PDE1C: variants seen among roughly 807,000 people sequenced by gnomAD.
PDE1C encodes the protein phosphodiesterase 1C, also known as dual specificity calcium/calmodulin-dependent 3',5'-cyclic nucleotide phosphodiesterase 1C.
In PDE1C, 62 loss-of-function variants were observed where a neutral mutation model predicts 93.1. The observed-to-expected ratio is 0.67, with a 90% CI of 0.54 to 0.82. PDE1C has a LOEUF of 0.82. Among genes scored for constraint, PDE1C ranks in the 40% least tolerant of loss-of-function variants. The pLI is 0.00. For missense variants in PDE1C, 742 were observed against 884.6 expected (o/e 0.84, Z 2.04); for synonymous variants, 325 against 310.1 (o/e 1.05, Z -0.50).
Position 32,038,218 on chromosome 7 carries a change from C to G in PDE1C, c.128+13336G>C, listed in dbSNP as rs1389644074. Reference sequence around the variant, plus strand: ...TGCAGACCTGCAAGTTTTGCCTTCACAGCCTTGAGGATCATCCTGAAGCAT... The same window carrying G: ...TGCAGACCTGCAAGTTTTGCCTTCAGAGCCTTGAGGATCATCCTGAAGCAT... On this transcript the variant is annotated intron_variant, in intron 2 of 17. Coordinates refer to ENST00000396191, the MANE Select transcript of PDE1C (RefSeq NM_001191057.4). Among the ~76,000 whole-genome samples the G allele has an allele frequency of 4.6e-5, 7 of 152,218 alleles. No homozygotes were observed. In the East Asian group the frequency reaches 1.4e-3, roughly 29 times the overall value.
intron 2 of PDE1C, among the ~76,000 whole-genome samples, chr7:31,951,666 A>G (rs1807398858): frequency 6.6e-6 from 1 of 152,184 alleles, no homozygotes; most frequent in East Asian, 1.9e-4. Flanking sequence ...GGCATTCTCT[A>G]ATGCATCTTC....
upstream of PDE1C, among the ~76,000 whole-genome samples, chr7:32,300,779 T>C (rs1383341522): frequency 6.6e-6 from 1 of 152,204 alleles, no homozygotes. Context: ...GTGAAGAGAA[T>C]TTTTATATGT....
At chr7:32,214,178 T>C (rs1242720549) in intron 1 of PDE1C, among the ~76,000 whole-genome samples, 1 of 152,028 alleles carries the variant, frequency 6.6e-6, no homozygotes, top group Non-Finnish European at 1.5e-5. Context: ...CACGGACACA[T>C]ATATACATTT....
chr7:31,738,200 C>T, the PDE1C span, among the ~76,000 whole-genome samples: 23 of 152,220 alleles, frequency 1.5e-4, no homozygotes, highest in East Asian at 4.5e-3. Context: ...GATACATGAG[C>T]CCAATCTCAA....
chr7:31,710,384 C>T, the PDE1C span, among the ~76,000 whole-genome samples: 1 of 152,114 alleles, frequency 6.6e-6, no homozygotes, highest in African/African-American at 2.4e-5. Flanking sequence ...AATCCTAACA[C>T]CCTTTAAAAG....
chr7:31,874,942 A>G (rs993104990), intron 5 of PDE1C, among the ~76,000 whole-genome samples: 19 of 152,214 alleles, frequency 1.2e-4, no homozygotes, highest in Non-Finnish European at 2.4e-4. Flanking sequence ...AGAGCCAGGT[A>G]ATAACCTCAC....
intron 2 of PDE1C, among the ~76,000 whole-genome samples, chr7:31,909,343 G>A (rs537036048): frequency 1.4e-4 from 21 of 152,184 alleles, no homozygotes; most frequent in Non-Finnish European, 2.9e-4. Flanking sequence ...GACCCTCTTA[G>A]TCATCTTTAC....
intron 2 of PDE1C, among the ~76,000 whole-genome samples, chr7:32,001,292 GT>G (rs1045160512): frequency 3.4e-4 from 51 of 152,164 alleles, no homozygotes; most frequent in African/African-American, 1.2e-3. Flanking sequence ...TTTAAAAGCT[GT>G]TTTTTAAGTG....
intron 1 of PDE1C, among the ~76,000 whole-genome samples, chr7:32,216,364 G>A (rs1411965270): frequency 6.6e-6 from 1 of 152,036 alleles, no homozygotes; most frequent in Admixed American, 6.6e-5. Flanking sequence ...ATACTTCAGT[G>A]GGTTTATTGC....
At chr7:32,282,770 C>T (rs982660498) in intron 1 of PDE1C, among the ~76,000 whole-genome samples, 3 of 151,828 alleles carry the variant, frequency 2.0e-5, no homozygotes, top group Admixed American at 2.0e-4. Context: ...TTAGTAGAGA[C>T]GGGGTTTCAC....
At chr7:31,775,240 G>C (rs746640927) in intron 17 of PDE1C, among the ~76,000 whole-genome samples, 18 of 152,122 alleles carry the variant, frequency 1.2e-4, no homozygotes, top group Non-Finnish European at 2.4e-4. Context: ...CTCCCAAACA[G>C]ATGAGAAAAC....
At chr7:31,898,386 AATTT>A (rs1562994656) in intron 2 of PDE1C, among the ~76,000 whole-genome samples, 3 of 152,242 alleles carry the variant, frequency 2.0e-5, no homozygotes, top group South Asian at 4.1e-4. Flanking sequence ...TTCTCTACAA[AATTT>A]ATTTGATAGT....
intron 2 of PDE1C, among the ~76,000 whole-genome samples, chr7:32,181,721 A>G (rs1390225088): frequency 1.3e-5 from 2 of 152,140 alleles, no homozygotes; most frequent in Non-Finnish European, 2.9e-5. Flanking sequence ...TTGACACCCT[A>G]ACATCACAAT....
intron 2 of PDE1C, among the ~76,000 whole-genome samples, chr7:32,207,377 T>C (rs1207200321): frequency 4.0e-5 from 6 of 151,560 alleles, no homozygotes; most frequent in East Asian, 3.9e-4. Context: ...AAAAAACTTA[T>C]CATCCGAATC....
At chr7:32,334,869 T>A (rs1405453324) in intron 1 of PDE1C, among the ~76,000 whole-genome samples, 2 of 152,168 alleles carry the variant, frequency 1.3e-5, no homozygotes, top group Non-Finnish European at 2.9e-5. Flanking sequence ...GAGATATGCA[T>A]TTCTTTCTTT....
chr7:31,875,251 GCTCT>G (rs1458341525), intron 5 of PDE1C, among the ~76,000 whole-genome samples: 14 of 152,252 alleles, frequency 9.2e-5, no homozygotes, highest in African/African-American at 2.6e-4. Flanking sequence ...AAAGGAAAGG[GCTCT>G]CTATCACTAG....
At chr7:32,176,702 C>T (rs1280450209) in intron 2 of PDE1C, among the ~76,000 whole-genome samples, 1 of 151,956 alleles carries the variant, frequency 6.6e-6, no homozygotes, top group Admixed American at 6.6e-5. Flanking sequence ...CACACACGTA[C>T]TCACACACAC....
At position 31,972,255 on chromosome 7, in the gene PDE1C, A is replaced by C. The variant is rs1353891190; in HGVS notation, c.128+79299T>G. ...ATATAGTTTGCAATTGCTGAGAAATACATTTGGTGATTTATTCAGATGATA... is the reference window on the plus strand; with the variant it reads ...ATATAGTTTGCAATTGCTGAGAAATCCATTTGGTGATTTATTCAGATGATA... On this transcript the variant is annotated intron_variant, in intron 2 of 17. Transcript: ENST00000396191. 4.6e-5 allele frequency among the ~76,000 whole-genome samples: 7 copies of C among 152,244 alleles called. No individual in the cohort carries two copies. The East Asian group carries it at 1.2e-3, about 25-fold the overall frequency.
chr7:32,207,715 A>G (rs1270840343), intron 2 of PDE1C, among the ~76,000 whole-genome samples: 1 of 152,170 alleles, frequency 6.6e-6, no homozygotes, highest in Non-Finnish European at 1.5e-5. Flanking sequence ...ACCTGTCTCA[A>G]GATAATAAGC....
Sources: gnomAD v4.1 joint callset for allele counts (sites outside exome capture counted in the v4.1 genomes callset) on GRCh38, gnomAD v4.1.1 for gene constraint, MANE v1.5 for transcripts, NCBI Gene and HGNC (gene_info 2026-07-23, HGNC 2026-07-21) for gene names.